UBE2V1: variants seen among roughly 807,000 people sequenced by gnomAD.
UBE2V1 encodes the protein ubiquitin-conjugating enzyme E2 variant 1.
A neutral mutation model predicts 19.6 loss-of-function variants in UBE2V1; 15 were observed. That is an observed-to-expected ratio of 0.77 (90% CI 0.51 to 1.18). The LOEUF (loss-of-function observed/expected upper bound fraction) is 1.18. Ranked by LOEUF, UBE2V1 falls within the 50% of genes most tolerant of loss-of-function variation. The pLI is 0.00. For synonymous variants in UBE2V1, 60 were observed against 60.7 expected (o/e 0.99, Z 0.05); for missense variants, 125 against 184.8 (o/e 0.68, Z 1.88).
At chr20:50,113,080 C>A in intron 1 of UBE2V1, 27 bp downstream of exon 1, 1 of 1,152,168 alleles carries the variant, frequency 8.7e-7, no homozygotes, top group South Asian at 2.2e-5. Flanking sequence ...GCCCCCTCGG[C>A]CGGCCGGGCC....
chr20:50,092,809 A>G (rs1183242689), intron 2 of UBE2V1, among the ~76,000 whole-genome samples: 1 of 152,242 alleles, frequency 6.6e-6, no homozygotes, highest in Admixed American at 6.5e-5. Context: ...TGACTAAAAC[A>G]TTCAAAGAGT....
chr20:50,115,497 A>G, upstream of UBE2V1: 1 of 1,579,984 alleles, frequency 6.3e-7, no homozygotes, highest in Non-Finnish European at 8.6e-7. Context: ...TTGCAGTGAA[A>G]TTTTCTAGGT....
In UBE2V1 at chr20:50,081,530, T is replaced by G. The variant is rs1233380045; in HGVS notation, c.*1238A>C. The G allele has an allele frequency of 6.5e-6, 1 of 152,894 alleles. No individual in the cohort carries two copies. The highest frequency in any genetic ancestry group is 1.5e-5 in the Non-Finnish European group (1 of 68,252). 9.5% of individuals were successfully genotyped at this position (152,894 alleles called of 1,614,324 possible). Reference sequence around the variant, plus strand: ...GTTCCTTCTTAATCCCTGCTGAGGATCTTGGGAAGCAGCAGCAGCACCAAA... The same window carrying G: ...GTTCCTTCTTAATCCCTGCTGAGGAGCTTGGGAAGCAGCAGCAGCACCAAA... On this transcript the variant is annotated 3_prime_UTR_variant, in exon 4 of 4. Transcript: ENST00000371674.
In UBE2V1 at chr20:50,096,740, A is replaced by G; in HGVS notation, c.103T>C (p.Trp35Arg). Residue 35 changes from tryptophan to arginine, a missense_variant, in exon 2 of 4, where the codon TGG (tryptophan) becomes CGG (arginine). Transcript: ENST00000371674. Reference sequence around the variant, plus strand: ...ATGTCTTCGTCATCTTCTAGACCCCAGCTAACTGTGCCATCTCCTACTCCT... The same window carrying G: ...ATGTCTTCGTCATCTTCTAGACCCCGGCTAACTGTGCCATCTCCTACTCCT... Reference protein sequence around the residue: ...QKGVGDGTVSWGLEDDEDMTL... With the variant: ...QKGVGDGTVSRGLEDDEDMTL... The G allele has an allele frequency of 1.2e-6, 2 of 1,614,156 alleles. No homozygotes were observed. The highest frequency in any genetic ancestry group is 8.5e-7 in the Non-Finnish European group (1 of 1,180,026).
intron 1 of UBE2V1, 85 bp from the exon 2 acceptor site, chr20:50,096,905 TG>T: frequency 6.4e-7 from 1 of 1,565,570 alleles, no homozygotes; most frequent in South Asian, 1.2e-5. Flanking sequence ...TATCTCTCCC[TG>T]GGAATCAAGA....
At chr20:50,086,206 C>T (rs908533867) in intron 2 of UBE2V1, among the ~76,000 whole-genome samples, 6 of 152,290 alleles carry the variant, frequency 3.9e-5, no homozygotes, top group Admixed American at 3.9e-4. Flanking sequence ...CCTCTTCAAC[C>T]TTGCCAAGTT....
At position 50,084,238 on chromosome 20, in the gene UBE2V1, C is replaced by T. The variant is rs778995232; in HGVS notation, c.188G>A (p.Arg63Gln). Residue 63 changes from arginine (R) to glutamine (Q), a missense_variant, in exon 3 of 4, where the codon CGA becomes CAA. By Grantham distance (43) the Arg-to-Gln change is conservative (BLOSUM62 1). This residue lies in a region of UBE2V1 where 78 missense variants were observed against 108.8 expected (regional missense o/e 0.72). Coordinates refer to ENST00000371674, the MANE Select transcript of UBE2V1 (RefSeq NM_001032288.3). ...ACATTCTATTTTAAGGCTGTATATT[C>T]GGTTTTCATAAATTGTCTGGAAAAA... ...IGPPRTIYEN[R>Q]IYSLKIECGP... 4 of 1,610,850 alleles carry T rather than the reference C, an allele frequency of 2.5e-6. No homozygotes were observed. The highest frequency in any genetic ancestry group is 3.4e-6 in the Non-Finnish European group (4 of 1,177,844).
intron 2 of UBE2V1, among the ~76,000 whole-genome samples, chr20:50,092,491 T>TA (rs1601014338): frequency 6.6e-6 from 1 of 152,112 alleles, no homozygotes; most frequent in African/African-American, 2.4e-5. Flanking sequence ...TTCTAGTGAG[T>TA]AGAGGCCAGG....
chr20:50,103,916 G>T (rs1001492445), intron 1 of UBE2V1, among the ~76,000 whole-genome samples: 1 of 149,020 alleles, frequency 6.7e-6, no homozygotes, highest in Non-Finnish European at 1.5e-5. Context: ...ATTCAATCCC[G>T]CCTCCCCAGA....
intron 2 of UBE2V1, among the ~76,000 whole-genome samples, chr20:50,092,415 A>G (rs1420513679): frequency 1.3e-5 from 2 of 152,164 alleles, no homozygotes; most frequent in African/African-American, 2.4e-5. Flanking sequence ...GGGAAGGGGA[A>G]GGGAGGATCA....
At chr20:50,084,613 T>A (rs968747667) in intron 2 of UBE2V1, 1 of 457,776 alleles carries the variant, frequency 2.2e-6, no homozygotes, top group African/African-American at 2.0e-5. Flanking sequence ...AAATGTCCAC[T>A]CACCAGGATC....
intron 1 of UBE2V1, among the ~76,000 whole-genome samples, chr20:50,106,776 G>C (rs1057119677): frequency 2.6e-5 from 4 of 151,658 alleles, no homozygotes; most frequent in Non-Finnish European, 4.4e-5. Context: ...CAGAGGTTGC[G>C]GTGAGCCAAG....
chr20:50,089,068 A>G (rs917140335), intron 2 of UBE2V1, among the ~76,000 whole-genome samples: 1 of 152,184 alleles, frequency 6.6e-6, no homozygotes, highest in Non-Finnish European at 1.5e-5. Context: ...ACTAGGTTTT[A>G]TAACAGAATT....
intron 2 of UBE2V1, among the ~76,000 whole-genome samples, chr20:50,094,007 A>AAT (rs2079413295): frequency 8.2e-6 from 1 of 121,774 alleles, no homozygotes; most frequent in African/African-American, 3.5e-5. Context: ...AAAAAAAAAA[A>AAT]AAAAATAATA....
At chr20:50,090,676 C>T (rs2079167362) in intron 2 of UBE2V1, among the ~76,000 whole-genome samples, 2 of 152,090 alleles carry the variant, frequency 1.3e-5, no homozygotes, top group Non-Finnish European at 2.9e-5. Flanking sequence ...AGATACTGGT[C>T]AAAGGGCACA....
chr20:50,104,655 C>CAAAAAA (rs113771532), intron 1 of UBE2V1, among the ~76,000 whole-genome samples: 835 of 71,580 alleles, frequency 0.012, 28 homozygotes, highest in Non-Finnish European at 0.017. Context: ...GACTCTGGCA[C>CAAAAAA]AAAAAAAAAA....
intron 2 of UBE2V1, among the ~76,000 whole-genome samples, chr20:50,088,430 G>GTAC (rs1472434862): frequency 1.3e-5 from 2 of 152,184 alleles, no homozygotes; most frequent in African/African-American, 4.8e-5. Context: ...AGCACAGGAA[G>GTAC]TACTACCTTT....
At chr20:50,104,280 CAAAAAA>C (rs34011542) in intron 1 of UBE2V1, 9 of 844,106 alleles carry the variant, frequency 1.1e-5, no homozygotes, top group Non-Finnish European at 1.2e-5. Context: ...GACTCCGTCT[CAAAAAA>C]AAAAAAAAAA....
At position 50,089,104 on chromosome 20, in the gene UBE2V1, C is replaced by T. The variant is rs575877333; in HGVS notation, c.172-4850G>A. 3.9e-5 allele frequency among the ~76,000 whole-genome samples: 6 copies of T among 152,124 alleles called. No individual in the cohort carries two copies. The South Asian group carries it at 6.2e-4, about 16-fold the overall frequency. Reference sequence around the variant, plus strand: ...TAATATAAGACATTGCTTAAACAGGCGTCAGTGGACTGAAAATGTTCAAAG... The same window carrying T: ...TAATATAAGACATTGCTTAAACAGGTGTCAGTGGACTGAAAATGTTCAAAG... On this transcript the variant is annotated intron_variant, in intron 2 of 3. Coordinates refer to ENST00000371674, the MANE Select transcript of UBE2V1 (RefSeq NM_001032288.3).
Sources: gnomAD v4.1 joint callset for allele counts (sites outside exome capture counted in the v4.1 genomes callset) on GRCh38, gnomAD v4.1.1 for gene constraint, gnomAD v4.1.1 regional missense constraint, MANE v1.5 for transcripts, NCBI Gene and HGNC (gene_info 2026-07-23, HGNC 2026-07-21) for gene names.